Variants in CACNA2D2 observed in about 807,000 individuals in gnomAD.
CACNA2D2 encodes the protein calcium voltage-gated channel auxiliary subunit alpha2delta 2.
In CACNA2D2, 48 loss-of-function variants were observed where a neutral mutation model predicts 166.4. The ratio of observed to expected loss-of-function variants is 0.29; its 90% CI spans 0.23 to 0.37. The LOEUF (loss-of-function observed/expected upper bound fraction) is 0.37. CACNA2D2 is among the 10% of genes least tolerant of loss of function. CACNA2D2 has a pLI of 1.00. For missense variants in CACNA2D2, 1,122 were observed against 1,433.0 expected (o/e 0.78, Z 3.50); for synonymous variants, 561 against 573.7 (o/e 0.98, Z 0.32).
intron 22 of CACNA2D2, among the ~76,000 whole-genome samples, chr3:50,371,109 G>C (rs1363584026): frequency 6.6e-6 from 1 of 152,064 alleles, no homozygotes; most frequent in African/African-American, 2.4e-5. Flanking sequence ...AGTGTGGGAA[G>C]AAAGTCTGAG....
At chr3:50,428,418 C>A (rs1042331209) in intron 3 of CACNA2D2, among the ~76,000 whole-genome samples, 1 of 152,180 alleles carries the variant, frequency 6.6e-6, no homozygotes, top group Non-Finnish European at 1.5e-5. Context: ...CTGGCTCACA[C>A]CTCCTGCCCC....
Position 50,375,144 on chromosome 3 carries a change from T to G in CACNA2D2, c.1908-331A>C, listed in dbSNP as rs1704905808. Among the ~76,000 whole-genome samples, 1 of 152,224 alleles carries G rather than the reference T, an allele frequency of 6.6e-6. No homozygotes were observed. The highest frequency in any genetic ancestry group is 2.1e-4 in the South Asian group (1 of 4,828). ...ACAAGGGGCAGACGCTGCCGTGAGC[T>G]GGCTGCAATGCCAGTGTTGCCGTGG... On this transcript the variant is annotated intron_variant, in intron 21 of 37. Coordinates refer to ENST00000424201, the MANE Select transcript of CACNA2D2 (RefSeq NM_006030.4). This position sits in a 1 kb window ranked among gnomAD's most constrained non-coding sequence, Gnocchi z 4.0.
At chr3:50,402,746 G>A (rs1016380717) in intron 3 of CACNA2D2, among the ~76,000 whole-genome samples, 1 of 152,228 alleles carries the variant, frequency 6.6e-6, no homozygotes, top group African/African-American at 2.4e-5. Flanking sequence ...TCAGTCCCTG[G>A]CAACCCAGGT....
At chr3:50,373,949 G>A (rs1338885821) in intron 22 of CACNA2D2, among the ~76,000 whole-genome samples, 1 of 13,676 alleles carries the variant, frequency 7.3e-5, no homozygotes, top group Admixed American at 8.3e-4. Flanking sequence ...AGGAAAGAGG[G>A]GAGGGGAGGG....
At chr3:50,460,026 C>G (rs1344551005) in intron 2 of CACNA2D2, among the ~76,000 whole-genome samples, 2 of 152,130 alleles carry the variant, frequency 1.3e-5, no homozygotes, top group African/African-American at 4.8e-5. Context: ...TCGCCTGATC[C>G]GGAGTCAACC....
intron 2 of CACNA2D2, among the ~76,000 whole-genome samples, chr3:50,468,341 C>T (rs1157649987): frequency 6.7e-6 from 1 of 150,212 alleles, no homozygotes; most frequent in African/African-American, 2.5e-5. Context: ...GCCAGCCTCC[C>T]TAGGGACCTC....
chr3:50,458,601 C>T (rs115420309), intron 2 of CACNA2D2, among the ~76,000 whole-genome samples: 1 of 152,234 alleles, frequency 6.6e-6, no homozygotes. Context: ...TCAGCTGCTA[C>T]AAGAGAAGTG....
intron 3 of CACNA2D2, among the ~76,000 whole-genome samples, chr3:50,428,469 G>T (rs902224470): frequency 1.3e-5 from 2 of 152,166 alleles, no homozygotes; most frequent in African/African-American, 2.4e-5. Flanking sequence ...GAACAGACCC[G>T]GTCACACTGC....
chr3:50,367,994 T>G lies in CACNA2D2; in HGVS notation c.2144-92A>C. On this transcript the variant is annotated intron_variant, in intron 24 of 37. Transcript: ENST00000424201. This position sits in a 1 kb window ranked among gnomAD's most constrained non-coding sequence, Gnocchi z 6.5. ...CACCCTTAAGGCTCCACCAGGAGCC[T>G]CCTCCATGACCTGGCCCTGGCCCAG... The G allele has an allele frequency of 9.2e-7, 1 of 1,089,192 alleles. No homozygotes were observed. Among genetic ancestry groups the G allele is most frequent in the Non-Finnish European group, 1.4e-6 (1 of 725,584 alleles). 67.5% of individuals were successfully genotyped at this position (1,089,192 alleles called of 1,614,324 possible).
In CACNA2D2 at chr3:50,380,584, G is replaced by A. The variant is rs587755596; in HGVS notation, c.842+164C>T. On this transcript the variant is annotated intron_variant, in intron 8 of 37. Coordinates refer to ENST00000424201, the MANE Select transcript of CACNA2D2 (RefSeq NM_006030.4). This position sits in a 1 kb window ranked among gnomAD's most constrained non-coding sequence, Gnocchi z 4.9. ...GGCATGGCAGCTGGGAGGCCTGCCT[G>A]GGTGATGGGATCCATTTTCCAGTGG... Among the ~76,000 whole-genome samples the A allele has an allele frequency of 1.3e-5, 2 of 152,312 alleles. No homozygotes were observed. Among genetic ancestry groups the A allele is most frequent in the Admixed American group, 1.3e-4 (2 of 15,308 alleles).
rs146587089 is a variant in CACNA2D2 at position 50,365,459 on chromosome 3, G to A, written c.2995C>T (p.Pro999Ser). The A allele has an allele frequency of 1.4e-3, 2,227 of 1,613,428 alleles. 3 individuals carry two copies. Among genetic ancestry groups the A allele is most frequent in the South Asian group, 1.8e-3 (161 of 91,070 alleles). The change falls in exon 35 of 38, where the codon CCC becomes TCC. Residue 999 changes from proline to serine, a missense_variant. Coordinates refer to ENST00000424201, the MANE Select transcript of CACNA2D2 (RefSeq NM_006030.4). This position sits in a 1 kb window ranked among gnomAD's most constrained non-coding sequence, Gnocchi z 4.5. Reference sequence around the variant, plus strand: ...ACGCAGCTGCTCTCGCGCGTCTCGGGGCTCCCCTCGGCCTCCGCGGGGTCT... The same window carrying A: ...ACGCAGCTGCTCTCGCGCGTCTCGGAGCTCCCCTCGGCCTCCGCGGGGTCT... Reference protein sequence around the residue: ...QADPAEAEGSPETRESSCVMK... With the variant: ...QADPAEAEGSSETRESSCVMK...
rs1293649845 is a variant in CACNA2D2, at chr3:50,363,088, GTCTGTTTT to G, written c.*1570_*1577del. ...ACAGCTACCTGATGGGGATTGTTTT[GTCTGTTTT>G]TCTGTTTTTTAAACTTAAAATATAT... On this transcript the variant is annotated 3_prime_UTR_variant, in exon 38 of 38. Transcript: ENST00000424201. The G allele has an allele frequency of 5.0e-6, 2 of 398,528 alleles. No homozygotes were observed. Among genetic ancestry groups the G allele is most frequent in the Non-Finnish European group, 4.4e-6 (1 of 226,026 alleles). 24.7% of individuals were successfully genotyped at this position (398,528 alleles called of 1,614,324 possible). A position where few individuals can be genotyped will look rare whatever the true frequency, so the allele number is the denominator to read the frequency against.
At chr3:50,499,800 TTCC>T (rs1280713151) in intron 1 of CACNA2D2, among the ~76,000 whole-genome samples, 2 of 152,242 alleles carry the variant, frequency 1.3e-5, no homozygotes, top group Non-Finnish European at 2.9e-5. Context: ...TAAAATGAGT[TTCC>T]TCCTTTCTCA....
At chr3:50,454,936 G>A (rs1477932620) in intron 2 of CACNA2D2, among the ~76,000 whole-genome samples, 2 of 152,072 alleles carry the variant, frequency 1.3e-5, no homozygotes, top group East Asian at 1.9e-4. Context: ...TCTGGATGGC[G>A]CCCCCCTTGA....
chr3:50,381,981 TACACACACACACACACACACACACAC>T lies in CACNA2D2; in HGVS notation c.653-881_653-856del, dbSNP rs34662551. On this transcript the variant is annotated intron_variant, in intron 6 of 37. Transcript: ENST00000424201. Reference sequence around the variant, plus strand: ...GTGATCCCCTGTCCAGATCTATCCCTACACACACACACACACACACACACACACACACACACACACAAACAAGGCTC... The same window carrying T: ...GTGATCCCCTGTCCAGATCTATCCCTACACACACACACACAAACAAGGCTC... Among the ~76,000 whole-genome samples, 11 of 133,462 alleles carry T rather than the reference TACACACACACACACACACACACACAC, an allele frequency of 8.2e-5. No homozygotes were observed. The East Asian group carries it at 1.8e-3, about 22-fold the overall frequency. The allele number at this position is 133,462 out of a possible 152,430, so 87.6% of individuals were successfully genotyped here.
At chr3:50,445,077 G>A (rs1387365828) in intron 2 of CACNA2D2, among the ~76,000 whole-genome samples, 7 of 152,340 alleles carry the variant, frequency 4.6e-5, no homozygotes, top group East Asian at 3.9e-4. Flanking sequence ...CCAGGCCTGC[G>A]TGAGGCTCTG....
Position 50,503,255 on chromosome 3 carries a change from G to A in CACNA2D2, c.169C>T (p.Pro57Ser). 1 of 1,194,004 alleles carries A rather than the reference G, an allele frequency of 8.4e-7. No homozygotes were observed. Among genetic ancestry groups the A allele is most frequent in the Non-Finnish European group, 1.0e-6 (1 of 962,458 alleles). The allele number at this position is 1,194,004 out of a possible 1,614,324, so 74.0% of individuals were successfully genotyped here. Residue 57 changes from proline to serine, a missense_variant, in exon 1 of 38, where the codon CCC (proline) becomes TCC (serine). This residue lies in a region of CACNA2D2 where 840 missense variants were observed against 1,166.8 expected (regional missense o/e 0.72). Transcript: ENST00000424201. ...GGGAAGCTGTAGGCAGAGGCGCCGG[G>A]GGCGGCGAGCAGCGGTAGAAGCGGC... Reference protein sequence around the residue: ...LLPLLPLLAAPGASAYSFPQQ... With the variant: ...LLPLLPLLAASGASAYSFPQQ...
At chr3:50,398,613 A>G (rs72936964) in intron 3 of CACNA2D2, among the ~76,000 whole-genome samples, 3,299 of 152,102 alleles carry the variant, frequency 0.022, 120 homozygotes, top group African/African-American at 0.075. Context: ...AACCTCTCAG[A>G]GTCTATTTTC....
intron 2 of CACNA2D2, among the ~76,000 whole-genome samples, chr3:50,451,839 C>T: frequency 6.6e-6 from 1 of 152,138 alleles, no homozygotes; most frequent in African/African-American, 2.4e-5. Context: ...CCTAACCAAC[C>T]CCAGGAGGTG....
Sources: allele counts gnomAD v4.1 joint callset (sites outside exome capture counted in the v4.1 genomes callset), GRCh38; gene constraint gnomAD v4.1.1; regional missense constraint gnomAD v4.1.1; non-coding constraint Gnocchi (gnomAD v3.1); transcripts MANE v1.5; gene names NCBI Gene and HGNC (gene_info 2026-07-23, HGNC 2026-07-21).